PSME4: variants seen among roughly 807,000 people sequenced by gnomAD.
PSME4 encodes the protein proteasome activator complex subunit 4.
A neutral mutation model predicts 253.9 loss-of-function variants in PSME4; 89 were observed. The observed-to-expected ratio is 0.35, with a 90% confidence interval of 0.30 to 0.42. PSME4 has a LOEUF of 0.42. Ranked by LOEUF, PSME4 falls within the 10% of genes least tolerant of loss-of-function variation. The pLI is 1.00. For synonymous variants in PSME4, 851 were observed against 759.2 expected (o/e 1.12, Z -1.99); for missense variants, 2,014 against 2,195.2 (o/e 0.92, Z 1.65).
At chr2:53,951,620 T>A (rs568540625) in intron 1 of PSME4, among the ~76,000 whole-genome samples, 1 of 152,318 alleles carries the variant, frequency 6.6e-6, no homozygotes, top group East Asian at 1.9e-4. Flanking sequence ...CAGTACAGGT[T>A]GAATACCTTT....
intron 16 of PSME4, 76 bp from the exon 17 acceptor site, chr2:53,922,660 T>G: frequency 6.7e-7 from 1 of 1,500,710 alleles, no homozygotes; most frequent in Non-Finnish European, 9.0e-7. Flanking sequence ...ATACTTCTAT[T>G]TAATATTTCC....
Position 53,921,006 on chromosome 2 carries a change from A to G in PSME4, c.2145T>C (p.Thr715=), listed in dbSNP as rs558489595. The change falls in exon 18 of 47, where the codon ACT becomes ACC. Residue 715 remains threonine (T), a synonymous_variant. Transcript: ENST00000404125. The part of the protein sequence containing the change: ...TLHLTCKQGY[T]LSCNLLHHLL... ...GATGATGCAAAAGGTTACAAGACAG[A>G]GTGTAACCCTGCTTACAGGTTAAAT... 4 of 1,613,710 alleles carry G rather than the reference A, an allele frequency of 2.5e-6. No individual in the cohort carries two copies. In the Admixed American group the frequency reaches 5.0e-5, roughly 20 times the overall value.
At chr2:53,965,184 C>T (rs1057327666) in intron 1 of PSME4, among the ~76,000 whole-genome samples, 6 of 152,070 alleles carry the variant, frequency 3.9e-5, no homozygotes, top group Non-Finnish European at 8.8e-5. Context: ...ATCCTTTTCC[C>T]GCCCTTTCCT....
rs1668285688 is a variant in PSME4 at position 53,920,939 on chromosome 2, T to C, written c.2212A>G (p.Ser738Gly). The change falls in exon 18 of 47, where the codon AGT becomes GGT. Residue 738 changes from serine to glycine, a missense_variant. Physicochemically the swap from Ser to Gly is moderately conservative, Grantham distance 56 (BLOSUM62 0). This residue lies in a region of PSME4 where 989 missense variants were observed against 1,021.1 expected (regional missense o/e 0.97). Transcript: ENST00000404125. ...GGCTTGTCAAAGCCACCTGGCACAC[T>C]GCAGTATTCTGTAGGGTAGATAAGT... ...TTLIYPTEYC[S>G]VPGGFDKPPS... 2 of 1,613,850 alleles carry C rather than the reference T, an allele frequency of 1.2e-6. No homozygotes were observed. The highest frequency in any genetic ancestry group is 1.7e-5 in the Admixed American group (1 of 60,006).
At chr2:53,869,617 C>G (rs1251353821) in intron 43 of PSME4, 79 bp from the exon 44 acceptor site, 5 of 1,219,730 alleles carry the variant, frequency 4.1e-6, no homozygotes, top group Non-Finnish European at 5.5e-6. Context: ...AGTGTGGGAA[C>G]TGGGGTGAAG....
intron 27 of PSME4, among the ~76,000 whole-genome samples, chr2:53,901,889 A>G (rs1304177710): frequency 2.0e-5 from 3 of 152,138 alleles, no homozygotes; most frequent in Non-Finnish European, 4.4e-5. Context: ...CAACATGGTG[A>G]AACCTCTTCT....
At chr2:53,948,359 T>G in intron 3 of PSME4, 62 bp downstream of exon 3, 2 of 974,614 alleles carry the variant, frequency 2.1e-6, no homozygotes, top group East Asian at 4.8e-5. Flanking sequence ...TTTTCAATCA[T>G]GATCACCCCC....
rs754457866 is a variant in PSME4, at chr2:53,894,992, A to T, written c.3912+15T>A. 11 of 1,602,318 alleles carry T rather than the reference A, an allele frequency of 6.9e-6. No individual in the cohort carries two copies. The highest frequency in any genetic ancestry group is 9.4e-6 in the Non-Finnish European group (11 of 1,176,452). On this transcript the variant is annotated intron_variant, in intron 34 of 46. Transcript: ENST00000404125. ...AACAAGATGCATTTGAACCATGGTG[A>T]AATGGAATGCTTACCTCTGTCATAT...
At chr2:53,881,738 C>T (rs758457871) in intron 41 of PSME4, among the ~76,000 whole-genome samples, 3 of 152,070 alleles carry the variant, frequency 2.0e-5, no homozygotes, top group African/African-American at 7.2e-5. Flanking sequence ...TATCTGCCAC[C>T]ACACCTGGCT....
chr2:53,923,562 T>C, intron 14 of PSME4, 143 bp from the exon 15 acceptor site: 5 of 1,186,594 alleles, frequency 4.2e-6, no homozygotes, highest in Non-Finnish European at 5.7e-6. Flanking sequence ...TTTATAAGAA[T>C]TTGTTTAATG....
At chr2:53,903,126 C>G (rs145904271) in intron 27 of PSME4, among the ~76,000 whole-genome samples, 18 of 152,244 alleles carry the variant, frequency 1.2e-4, no homozygotes, top group African/African-American at 3.8e-4. Context: ...TCCTCCTAGG[C>G]TTTCTTATCC....
At chr2:53,881,175 G>C (rs1394086756) in intron 41 of PSME4, among the ~76,000 whole-genome samples, 1 of 152,056 alleles carries the variant, frequency 6.6e-6, no homozygotes, top group Non-Finnish European at 1.5e-5. Context: ...AGTTAGCAAA[G>C]GAATCACCTT....
At chr2:53,896,606 CAGAA>C (rs1680149069) in intron 32 of PSME4, among the ~76,000 whole-genome samples, 194 bp downstream of exon 32, 1 of 152,230 alleles carries the variant, frequency 6.6e-6, no homozygotes, top group Admixed American at 6.5e-5. Flanking sequence ...AATATGAAGG[CAGAA>C]AGAGTCAATC....
At chr2:53,902,255 T>C (rs1041681517) in intron 27 of PSME4, among the ~76,000 whole-genome samples, 1 of 152,206 alleles carries the variant, frequency 6.6e-6, no homozygotes, top group Non-Finnish European at 1.5e-5. Context: ...TAAATATTAG[T>C]TAACACCTGG....
At chr2:53,923,269 A>T (rs1668404568) in intron 15 of PSME4, 52 bp downstream of exon 15, 1 of 1,542,358 alleles carries the variant, frequency 6.5e-7, no homozygotes, top group East Asian at 2.3e-5. Context: ...TAACCATATA[A>T]ACTAGTTGAT....
chr2:53,960,761 C>G (rs886275517), intron 1 of PSME4, among the ~76,000 whole-genome samples: 3 of 152,152 alleles, frequency 2.0e-5, no homozygotes, highest in African/African-American at 7.2e-5. Context: ...CTCTGGGTAC[C>G]AGTTGCTTTT....
At chr2:53,952,523 A>T (rs1483345392) in intron 1 of PSME4, among the ~76,000 whole-genome samples, 4 of 152,180 alleles carry the variant, frequency 2.6e-5, no homozygotes, top group Admixed American at 6.5e-5. Context: ...AGCCTGGGCA[A>T]CAGAGAGAGA....
In PSME4 at chr2:53,936,767, C is replaced by A. The variant is rs1477762740; in HGVS notation, c.756G>T (p.Glu252Asp). 13 of 1,584,462 alleles carry A rather than the reference C, an allele frequency of 8.2e-6. No individual in the cohort carries two copies. Among genetic ancestry groups the A allele is most frequent in the Non-Finnish European group, 1.1e-5 (13 of 1,165,286 alleles). Reference sequence around the variant, plus strand: ...AAAGGGAAAAAGGGATACTTACCCCCTCCCATTGTGGGAGATTTTGCACTG... The same window carrying A: ...AAAGGGAAAAAGGGATACTTACCCCATCCCATTGTGGGAGATTTTGCACTG... ...WVSVQNLPQWEGQLVNLFARL... is the reference protein window; with the variant it reads ...WVSVQNLPQWDGQLVNLFARL... Residue 252 changes from glutamate to aspartate, a missense_variant, in exon 6 of 47, where the codon GAG becomes GAT. By Grantham distance (45) the Glu-to-Asp change is conservative. Coordinates refer to ENST00000404125, the MANE Select transcript of PSME4 (RefSeq NM_014614.3).
Position 53,939,959 on chromosome 2 carries a change from C to T in PSME4, c.542G>A (p.Arg181Gln), listed in dbSNP as rs776101070. 2.5e-5 allele frequency: 40 copies of T among 1,596,454 alleles called. 1 individual carries two copies. The South Asian group carries it at 4.0e-4, about 16-fold the overall frequency. The part of the protein sequence containing the change: ...NILKTLVKSC[R>Q]PYFPADATAE... Reference sequence around the variant, plus strand: ...TATAAATTGAGAAGCTACTTACGGTCGGCAGCTTTTCACGAGTGTTTTGAG... The same window carrying T: ...TATAAATTGAGAAGCTACTTACGGTTGGCAGCTTTTCACGAGTGTTTTGAG... The change falls in exon 4 of 47, where the codon CGA becomes CAA. Residue 181 changes from arginine (R) to glutamine (Q), a missense_variant. Physicochemically the swap from Arg to Gln is conservative, Grantham distance 43. Transcript: ENST00000404125.
Sources: gnomAD v4.1 joint callset for allele counts (sites outside exome capture counted in the v4.1 genomes callset) on GRCh38, gnomAD v4.1.1 for gene constraint, gnomAD v4.1.1 regional missense constraint, MANE v1.5 for transcripts, NCBI Gene and HGNC (gene_info 2026-07-23, HGNC 2026-07-21) for gene names.